Variants in KANK1 observed in about 807,000 individuals in gnomAD.
The protein encoded by KANK1 is KN motif and ankyrin repeat domain-containing protein 1.
Under a neutral mutation model 106.2 loss-of-function variants are expected in KANK1, and 109 were observed. The ratio of observed to expected loss-of-function variants is 1.03; its 90% confidence interval spans 0.88 to 1.20. The LOEUF (loss-of-function observed/expected upper bound fraction) is 1.20. Among genes scored for constraint, KANK1 ranks in the 50% most tolerant of loss-of-function variants. The probability of loss-of-function intolerance (pLI) is 0.00; values close to 1 mark genes in which losing one functional copy is unlikely to be tolerated. For synonymous variants in KANK1, 873 were observed against 652.2 expected (o/e 1.34, Z -5.16); for missense variants, 2,399 against 1,710.7 (o/e 1.40, Z -7.10).
Position 550,164 on chromosome 9 carries a change from TAAGC to T in KANK1, c.-84+45412_-84+45415del, listed in dbSNP as rs143007876. On this transcript the variant is annotated intron_variant, in intron 1 of 11. Transcript: ENST00000382297. ...GCAATCACATTGCAGGTGGGATAAA[TAAGC>T]AGACAGTCTGTGGTAGGTTCCCCCA... 7.6e-3 allele frequency among the ~76,000 whole-genome samples: 1,160 copies of T among 151,718 alleles called. 16 individuals carry two copies. The highest frequency in any genetic ancestry group is 0.027 in the African/African-American group (1,104 of 41,452).
chr9:473,995 C>T (rs147239096), intron 3 of KANK1, among the ~76,000 whole-genome samples: 1 of 152,226 alleles, frequency 6.6e-6, no homozygotes, highest in Non-Finnish European at 1.5e-5. Flanking sequence ...AGTGTGCCAG[C>T]CAAGAATTAA....
chr9:702,554 T>A (rs896378012), intron 2 of KANK1, among the ~76,000 whole-genome samples: 2 of 152,156 alleles, frequency 1.3e-5, no homozygotes, highest in African/African-American at 4.8e-5. Flanking sequence ...TGTGCCTTTA[T>A]TATCAATATC....
chr9:511,747 C>T (rs1020563852), intron 1 of KANK1, among the ~76,000 whole-genome samples: 1 of 152,170 alleles, frequency 6.6e-6, no homozygotes, highest in Non-Finnish European at 1.5e-5. Context: ...CAAAACTCAT[C>T]ATTCTTGTCT....
intron 1 of KANK1, among the ~76,000 whole-genome samples, chr9:638,976 C>T (rs904272479): frequency 5.9e-5 from 9 of 152,118 alleles, no homozygotes; most frequent in Non-Finnish European, 4.4e-5. Context: ...TTAATATGTT[C>T]ACCTGAGCAA....
At chr9:497,114 C>G (rs1356782659) in intron 3 of KANK1, among the ~76,000 whole-genome samples, 1 of 152,122 alleles carries the variant, frequency 6.6e-6, no homozygotes, top group African/African-American at 2.4e-5. Context: ...GTGTCCTTTC[C>G]TTTCCTTTCA....
At chr9:500,357 G>T (rs765475853), upstream of KANK1, among the ~76,000 whole-genome samples, 11 of 152,198 alleles carry the variant, frequency 7.2e-5, no homozygotes, top group Non-Finnish European at 1.5e-4. Context: ...CAAAAAATCT[G>T]TAATGGAAAC....
upstream of KANK1, among the ~76,000 whole-genome samples, chr9:503,085 T>A (rs950894269): frequency 6.8e-6 from 1 of 147,918 alleles, no homozygotes; most frequent in Admixed American, 6.8e-5. Context: ...CTGATCTACC[T>A]GTCTCGGCCT....
intron 1 of KANK1, among the ~76,000 whole-genome samples, chr9:608,034 A>ATTAT (rs550990252): frequency 0.075 from 8,639 of 115,142 alleles, 397 homozygotes; most frequent in African/African-American, 0.086. Context: ...TATTATTATT[A>ATTAT]TTTTTTTTTT....
At chr9:735,384 G>C (rs1280603863) in intron 7 of KANK1, among the ~76,000 whole-genome samples, 1 of 152,158 alleles carries the variant, frequency 6.6e-6, no homozygotes, top group African/African-American at 2.4e-5. Context: ...CAAAGAGTTT[G>C]TGGTTGCCTT....
intron 3 of KANK1, among the ~76,000 whole-genome samples, chr9:482,561 C>T (rs902061244): frequency 2.6e-5 from 4 of 152,186 alleles, no homozygotes; most frequent in African/African-American, 9.7e-5. Flanking sequence ...CATGCAAAGT[C>T]ATACAACTAA....
At chr9:560,258 T>C (rs1816037602) in intron 1 of KANK1, among the ~76,000 whole-genome samples, 1 of 152,220 alleles carries the variant, frequency 6.6e-6, no homozygotes. Context: ...ATAAAAAAAC[T>C]ACATGTTTCA....
rs1825889903 is a variant in KANK1 at position 711,002 on chromosome 9, C to T, written c.236C>T (p.Thr79Ile). 1 of 1,614,070 alleles carries T rather than the reference C, an allele frequency of 6.2e-7. No individual in the cohort carries two copies. The highest frequency in any genetic ancestry group is 1.3e-5 in the African/African-American group (1 of 74,924). The change falls in exon 3 of 12, where the codon ACA (threonine) becomes ATA (isoleucine). Residue 79 changes from threonine to isoleucine, a missense_variant. Coordinates refer to ENST00000382297, the MANE Select transcript of KANK1 (RefSeq NM_015158.5). ...PSVPCPEPRT[T>I]SGQQGIWTST... ...GTGCCATGCCCAGAACCCAGGACCACATCTGGTCAGCAAGGTATATGGACT... is the reference window on the plus strand; with the variant it reads ...GTGCCATGCCCAGAACCCAGGACCATATCTGGTCAGCAAGGTATATGGACT...
At chr9:517,118 T>G (rs1248613523) in intron 1 of KANK1, among the ~76,000 whole-genome samples, 3 of 151,810 alleles carry the variant, frequency 2.0e-5, no homozygotes, top group African/African-American at 7.3e-5. Context: ...TTTGTTTTTG[T>G]TTTTGTTTTG....
chr9:583,789 T>C (rs1822766022), intron 1 of KANK1, among the ~76,000 whole-genome samples: 1 of 151,824 alleles, frequency 6.6e-6, no homozygotes, highest in African/African-American at 2.4e-5. Flanking sequence ...GAAAAGGTAT[T>C]CCAGATCAAT....
upstream of KANK1, among the ~76,000 whole-genome samples, chr9:500,225 C>T (rs547248163): frequency 4.8e-4 from 73 of 152,288 alleles, no homozygotes; most frequent in African/African-American, 1.7e-3. Context: ...ACAACTGTGG[C>T]AGTAACCTAC....
At chr9:566,917 A>G (rs1308519383) in intron 1 of KANK1, among the ~76,000 whole-genome samples, 3 of 152,100 alleles carry the variant, frequency 2.0e-5, no homozygotes, top group Non-Finnish European at 4.4e-5. Context: ...TCGTCACGAA[A>G]TCTTTGCCCA....
intron 3 of KANK1, among the ~76,000 whole-genome samples, chr9:485,453 G>C (rs1221331734): frequency 2.0e-5 from 3 of 152,120 alleles, no homozygotes; most frequent in Non-Finnish European, 2.9e-5. Context: ...CCATTTGTAG[G>C]TACAAGGAAA....
intron 1 of KANK1, among the ~76,000 whole-genome samples, chr9:605,295 C>T (rs1330180402): frequency 2.9e-5 from 3 of 104,550 alleles, no homozygotes; most frequent in Non-Finnish European, 4.0e-5. Flanking sequence ...AGTGAGACTC[C>T]GTCTCAAAAA....
intron 1 of KANK1, among the ~76,000 whole-genome samples, chr9:518,064 A>G (rs2059371541): frequency 6.6e-6 from 1 of 151,592 alleles, no homozygotes; most frequent in Non-Finnish European, 1.5e-5. Flanking sequence ...AGCCATCCCC[A>G]AATGATCTGA....
Sources: gnomAD v4.1 joint callset for allele counts (sites outside exome capture counted in the v4.1 genomes callset) on GRCh38, gnomAD v4.1.1 for gene constraint, MANE v1.5 for transcripts, NCBI Gene and HGNC (gene_info 2026-07-23, HGNC 2026-07-21) for gene names.